The following PACS2 variants were observed in gnomAD, a reference collection of about 807,000 sequenced individuals.
PACS2 encodes phosphofurin acidic cluster sorting protein 2.
A neutral mutation model predicts 113.0 loss-of-function variants in PACS2; 36 were observed. That is an observed-to-expected ratio of 0.32 (90% confidence interval 0.24 to 0.42). The LOEUF (loss-of-function observed/expected upper bound fraction) is 0.42. PACS2 is among the 10% of genes least tolerant of loss of function. PACS2 has a pLI of 1.00. For missense variants in PACS2, 1,015 were observed against 1,239.5 expected, an observed-to-expected ratio of 0.82 and a Z score of 2.72; for synonymous variants, 589 against 536.1, an observed-to-expected ratio of 1.10 and a Z score of -1.36.
chr14:105,393,758 T>G (rs1299211162), intron 24 of PACS2, among the ~76,000 whole-genome samples: 1 of 151,840 alleles, frequency 6.6e-6, no homozygotes, highest in Non-Finnish European at 1.5e-5. Flanking sequence ...CCCGGCTAAT[T>G]TTTTGTATTT....
chr14:105,322,813 A>T (rs1322317538), intron 1 of PACS2, among the ~76,000 whole-genome samples: 2 of 152,356 alleles, frequency 1.3e-5, no homozygotes, highest in Admixed American at 6.5e-5. Flanking sequence ...CATGTCAGGA[A>T]TCATTTTCCT....
intron 15 of PACS2, 199 bp from the exon 16 acceptor site, chr14:105,383,160 T>A (rs1555412553): frequency 4.5e-6 from 3 of 667,194 alleles, no homozygotes; most frequent in Non-Finnish European, 7.9e-6. Context: ...AAGCCTGGGC[T>A]GAGGCCATGA....
In PACS2 at chr14:105,348,408, G is replaced by A. The variant is rs1203422328; in HGVS notation, c.120-85G>A. 7.3e-5 allele frequency: 77 copies of A among 1,059,752 alleles called. No individual in the cohort carries two copies. The highest frequency in any genetic ancestry group is 1.0e-4 in the Non-Finnish European group (74 of 704,860). The allele number at this position is 1,059,752 out of a possible 1,614,324, so 65.6% of individuals were successfully genotyped here. ...CCTGCACCCCAGGGTGCAGGCTCCC[G>A]GGGTGACACAGTGCTGGGACGGCAC... On this transcript the variant is annotated intron_variant, in intron 1 of 24. Transcript: ENST00000447393. This position sits in a 1 kb window ranked among gnomAD's most constrained non-coding sequence, Gnocchi z 6.4.
chr14:105,354,662 C>A lies in PACS2; in HGVS notation c.298-390C>A, dbSNP rs1365743641. Among the ~76,000 whole-genome samples, 2 of 152,176 alleles carry A rather than the reference C, an allele frequency of 1.3e-5. No homozygotes were observed. The highest frequency in any genetic ancestry group is 6.5e-5 in the Admixed American group (1 of 15,282). Reference sequence around the variant, plus strand: ...CCCTCCCCGCCCTGTGTGCCCCTCGCGGAAAAGCGTCCTGGGTCCCACCTT... The same window carrying A: ...CCCTCCCCGCCCTGTGTGCCCCTCGAGGAAAAGCGTCCTGGGTCCCACCTT... On this transcript the variant is annotated intron_variant, in intron 3 of 24. Transcript: ENST00000447393. The surrounding 1 kb of genome is among the most constrained non-coding windows in gnomAD (Gnocchi z 4.2).
intron 9 of PACS2, among the ~76,000 whole-genome samples, 153 bp from the exon 10 acceptor site, chr14:105,379,586 G>C (rs868948475): frequency 2.0e-5 from 3 of 152,198 alleles, no homozygotes; most frequent in East Asian, 1.9e-4. Flanking sequence ...TGCGAGCGGG[G>C]TGTGCGCTGA....
Position 105,356,598 on chromosome 14 carries a change from C to T in PACS2, c.423+1421C>T, listed in dbSNP as rs991396533. Among the ~76,000 whole-genome samples, 16 of 152,200 alleles carry T rather than the reference C, an allele frequency of 1.1e-4. No individual in the cohort carries two copies. The highest frequency in any genetic ancestry group is 2.2e-4 in the Non-Finnish European group (15 of 68,026). ...GCCTCCTGGGAGCCACCGCTTGCTT[C>T]CTGTGGAGCAGGAGGGTCCAGGCAC... On this transcript the variant is annotated intron_variant, in intron 4 of 24. Transcript: ENST00000447393. The surrounding 1 kb of genome is among the most constrained non-coding windows in gnomAD (Gnocchi z 4.0).
chr14:105,309,545 C>T (rs1157726678), upstream of PACS2, among the ~76,000 whole-genome samples: 1 of 152,202 alleles, frequency 6.6e-6, no homozygotes, highest in Non-Finnish European at 1.5e-5. The surrounding 1 kb of genome is among the most constrained non-coding windows in gnomAD (Gnocchi z 4.0). Flanking sequence ...CCAGTGTCAC[C>T]TGCAGGATGC....
chr14:105,388,237 G>A (rs587714055), intron 19 of PACS2, among the ~76,000 whole-genome samples: 28 of 152,266 alleles, frequency 1.8e-4, no homozygotes, highest in Admixed American at 3.3e-4. Context: ...CCAGGTTGGC[G>A]TCTGGGGAGG....
chr14:105,324,592 C>T lies in PACS2; in HGVS notation c.119+9555C>T, dbSNP rs1052756010. Among the ~76,000 whole-genome samples, 10 of 152,142 alleles carry T rather than the reference C, an allele frequency of 6.6e-5. No homozygotes were observed. Among genetic ancestry groups the T allele is most frequent in the Admixed American group, 1.3e-4 (2 of 15,278 alleles). ...CCCTTTCTGCTCCGCAGGCGCGCGC[C>T]GATGTGTGCTCAGCTCAGGCCGACT... On this transcript the variant is annotated intron_variant, in intron 1 of 24. Coordinates refer to ENST00000447393, the MANE Select transcript of PACS2 (RefSeq NM_001100913.3). This position sits in a 1 kb window ranked among gnomAD's most constrained non-coding sequence, Gnocchi z 4.7.
chr14:105,390,185 T>A, intron 20 of PACS2, 182 bp downstream of exon 20: 1 of 675,066 alleles, frequency 1.5e-6, no homozygotes, highest in Non-Finnish European at 2.7e-6. Flanking sequence ...GAGTGGGGTG[T>A]GGGGCCAGAG....
intron 1 of PACS2, among the ~76,000 whole-genome samples, chr14:105,333,222 G>T (rs1272563148): frequency 6.6e-6 from 1 of 152,214 alleles, no homozygotes; most frequent in African/African-American, 2.4e-5. Flanking sequence ...ATGTGCTCCT[G>T]GTTCCCTCTC....
At chr14:105,306,364 C>T (rs1490294473) in intron 1 of PACS2, among the ~76,000 whole-genome samples, 5 of 152,028 alleles carry the variant, frequency 3.3e-5, no homozygotes, top group Admixed American at 6.6e-5. Context: ...AGTGCAGCGG[C>T]GCCATCTCGA....
In PACS2 at chr14:105,392,798, C is replaced by T. The variant is rs782208120; in HGVS notation, c.2435C>T (p.Thr812Met). The change falls in exon 23 of 25, where the codon ACG becomes ATG. Residue 812 changes from threonine (T) to methionine (M), a missense_variant. Coordinates refer to ENST00000447393, the MANE Select transcript of PACS2 (RefSeq NM_001100913.3). ...CCCAGCAGCGGCGAGGCTGCAGCCACGCCCACCATGTCCATGACCGTGGTC... is the reference window on the plus strand; with the variant it reads ...CCCAGCAGCGGCGAGGCTGCAGCCATGCCCACCATGTCCATGACCGTGGTC... ...RLPSSGEAAA[T>M]PTMSMTVVTK... 48 of 1,609,274 alleles carry T rather than the reference C, an allele frequency of 3.0e-5. 1 individual carries two copies. The highest frequency in any genetic ancestry group is 3.3e-4 in the Middle Eastern group (2 of 6,066).
chr14:105,337,989 T>C (rs1444666217), intron 1 of PACS2, among the ~76,000 whole-genome samples: 1 of 152,174 alleles, frequency 6.6e-6, no homozygotes, highest in Non-Finnish European at 1.5e-5. Flanking sequence ...GGTGGGAGTT[T>C]CAGTCTCCCA....
chr14:105,337,139 A>C (rs59143495), intron 1 of PACS2, among the ~76,000 whole-genome samples: 17,581 of 152,254 alleles, frequency 0.12, 3,446 homozygotes, highest in African/African-American at 0.4. Context: ...CGTGGATGGA[A>C]CTTGAGTATA....
Position 105,381,029 on chromosome 14 carries a change from G to A in PACS2, c.1198G>A (p.Val400Met). 1 of 1,612,658 alleles carries A rather than the reference G, an allele frequency of 6.2e-7. No individual in the cohort carries two copies. Among genetic ancestry groups the A allele is most frequent in the South Asian group, 1.1e-5 (1 of 91,034 alleles). ...SPEAEASTLDVFTERLPPSGR... is the reference protein window; with the variant it reads ...SPEAEASTLDMFTERLPPSGR... ...CGAGGCTGAGGCCTCCACCCTGGAT[G>A]TGTTCACGGAGAGGCTGCCGCCCAG... The change falls in exon 12 of 25, where the codon GTG becomes ATG. Residue 400 changes from valine to methionine, a missense_variant. Around this residue, in one of 3 missense-constraint regions of PACS2, gnomAD observed 859 missense variants for 1,056.8 expected, o/e 0.81. Coordinates refer to ENST00000447393, the MANE Select transcript of PACS2 (RefSeq NM_001100913.3).
In PACS2 at chr14:105,324,736, G is replaced by T. The variant is rs896956465; in HGVS notation, c.119+9699G>T. ...TGGCGCCCCGTCTCACCCCACGGAT[G>T]GGGGGCAGGCTCTCCAGGAGCCCCA... is the stretch of plus-strand genomic sequence containing the variant. On this transcript the variant is annotated intron_variant, in intron 1 of 24. Transcript: ENST00000447393. This position sits in a 1 kb window ranked among gnomAD's most constrained non-coding sequence, Gnocchi z 4.7. Among the ~76,000 whole-genome samples the T allele has an allele frequency of 7.2e-5, 11 of 152,142 alleles. No homozygotes were observed.
In PACS2 at chr14:105,333,907, C is replaced by T. The variant is rs112176887; in HGVS notation, c.120-14586C>T. Reference sequence around the variant, plus strand: ...CTGGGAGCCTCCCCCAGCTGTCACACGCACCTGCCTGTGCCTCACCCGGGC... The same window carrying T: ...CTGGGAGCCTCCCCCAGCTGTCACATGCACCTGCCTGTGCCTCACCCGGGC... On this transcript the variant is annotated intron_variant, in intron 1 of 24. Transcript: ENST00000447393. Among the ~76,000 whole-genome samples the T allele has an allele frequency of 2.7e-3, 417 of 152,354 alleles. 6 individuals carry two copies. Among genetic ancestry groups the T allele is most frequent in the African/African-American group, 9.6e-3 (400 of 41,584 alleles).
At chr14:105,327,966 T>C (rs975698249) in intron 1 of PACS2, among the ~76,000 whole-genome samples, 1 of 152,172 alleles carries the variant, frequency 6.6e-6, no homozygotes, top group African/African-American at 2.4e-5. Context: ...CGAGGGGCCA[T>C]TGACAGCCGA....
Sources: gnomAD v4.1 joint callset for allele counts (sites outside exome capture counted in the v4.1 genomes callset) on GRCh38, gnomAD v4.1.1 for gene constraint, gnomAD v4.1.1 regional missense constraint, Gnocchi (gnomAD v3.1) non-coding constraint, MANE v1.5 for transcripts, NCBI Gene and HGNC (gene_info 2026-07-23, HGNC 2026-07-21) for gene names.